CADM3: variants seen among roughly 807,000 people sequenced by gnomAD.
CADM3 encodes cell adhesion molecule 3.
In CADM3, 11 loss-of-function variants were observed where a neutral mutation model predicts 44.9. The ratio of observed to expected loss-of-function variants is 0.25; its 90% CI spans 0.15 to 0.41. CADM3 has a LOEUF of 0.41. CADM3 is among the 10% of genes least tolerant of loss of function. CADM3 has a pLI of 1.00. For synonymous variants in CADM3, 207 were observed against 205.2 expected (o/e 1.01, Z -0.08); for missense variants, 426 against 512.0 (o/e 0.83, Z 1.62).
At chr1:159,193,704 T>C in intron 4 of CADM3, 144 bp downstream of exon 4, 1 of 1,407,076 alleles carries the variant, frequency 7.1e-7, no homozygotes, top group Non-Finnish European at 9.9e-7. Context: ...AGTGCCTATG[T>C]GTGTGTTGGG....
chr1:159,202,842 C>T lies in CADM3; in HGVS notation c.*1920C>T, dbSNP rs1169828078. On this transcript the variant is annotated 3_prime_UTR_variant, in exon 9 of 9. Transcript: ENST00000368125. ...CCCTCACCTAAGCCGGGGCCTACTCCTCTTACAACAGCAAGAGAGCCCTGG... is the reference window on the plus strand; with the variant it reads ...CCCTCACCTAAGCCGGGGCCTACTCTTCTTACAACAGCAAGAGAGCCCTGG... 1 of 152,112 alleles carries T rather than the reference C, an allele frequency of 6.6e-6. No homozygotes were observed. The highest frequency in any genetic ancestry group is 1.5e-5 in the Non-Finnish European group (1 of 68,038). The allele number at this position is 152,112 out of a possible 1,614,324, so 9.4% of individuals were successfully genotyped here.
intron 7 of CADM3, 132 bp from the exon 8 acceptor site, chr1:159,199,619 G>A: frequency 1.8e-6 from 2 of 1,142,582 alleles, no homozygotes; most frequent in Non-Finnish European, 2.6e-6. Context: ...AAGGCATGAT[G>A]AATGACACTG....
In CADM3 at chr1:159,202,449, C is replaced by A. The variant is rs1004381417; in HGVS notation, c.*1527C>A. On this transcript the variant is annotated 3_prime_UTR_variant, in exon 9 of 9. Transcript: ENST00000368125. ...CAGCCTTTGCTATGCACCTCTCAGG[C>A]CTCTCCTTGGCGTTGACCCTGGAAA... 6.5e-6 allele frequency: 1 copy of A among 152,802 alleles called. No individual in the cohort carries two copies. Among genetic ancestry groups the A allele is most frequent in the Non-Finnish European group, 1.5e-5 (1 of 68,416 alleles). The allele number at this position is 152,802 out of a possible 1,614,324, so 9.5% of individuals were successfully genotyped here.
chr1:159,188,574 C>G (rs916906185), intron 1 of CADM3, among the ~76,000 whole-genome samples: 5 of 152,116 alleles, frequency 3.3e-5, no homozygotes, highest in Non-Finnish European at 7.4e-5. Context: ...CTCCAAAGCC[C>G]GGACACGTAG....
At chr1:159,181,175 A>C (rs560692306) in intron 1 of CADM3, among the ~76,000 whole-genome samples, 43 of 152,298 alleles carry the variant, frequency 2.8e-4, no homozygotes, top group African/African-American at 9.9e-4. Flanking sequence ...GTACTTTCCT[A>C]AGATGAGGAA....
In CADM3 at chr1:159,178,798, C is replaced by T. The variant is rs539143202; in HGVS notation, c.88+6945C>T. Reference sequence around the variant, plus strand: ...AGCCCGTCAGTCTTAGATTAGCCAGCCTGTTCTTCACATCGCATCAGAACT... The same window carrying T: ...AGCCCGTCAGTCTTAGATTAGCCAGTCTGTTCTTCACATCGCATCAGAACT... On this transcript the variant is annotated intron_variant, in intron 1 of 8. Transcript: ENST00000368125. Among the ~76,000 whole-genome samples the T allele has an allele frequency of 5.3e-4, 80 of 152,240 alleles. 3 individuals are homozygous for T. In the South Asian group the frequency reaches 0.016, roughly 31 times the overall value.
intron 1 of CADM3, 127 bp from the exon 2 acceptor site, chr1:159,191,809 G>C (rs867942608): frequency 7.5e-5 from 79 of 1,056,008 alleles, no homozygotes; most frequent in Non-Finnish European, 1.0e-4. Flanking sequence ...GAAACCTTAC[G>C]GGTACACAGA....
intron 1 of CADM3, among the ~76,000 whole-genome samples, chr1:159,181,089 A>G (rs910069302): frequency 6.6e-6 from 1 of 152,180 alleles, no homozygotes; most frequent in African/African-American, 2.4e-5. Flanking sequence ...GCCCATTCCC[A>G]GTCTCTATTT....
intron 7 of CADM3, 74 bp from the exon 8 acceptor site, chr1:159,199,677 T>A: frequency 1.2e-6 from 2 of 1,607,302 alleles, no homozygotes; most frequent in Non-Finnish European, 1.7e-6. Context: ...GTAAGACTAT[T>A]CATGGCCAAG....
Position 159,193,934 on chromosome 1 carries a change from A to T in CADM3, c.585A>T (p.Thr195=). ...CCTTCACTGTCAGCAGCTCGGTGACATTCCAGGTTACCCGGGAGGATGATG... is the reference window on the plus strand; with the variant it reads ...CCTTCACTGTCAGCAGCTCGGTGACTTTCCAGGTTACCCGGGAGGATGATG... ...GKTFTVSSSV[T]FQVTREDDGA... Residue 195 remains threonine, a synonymous_variant, in exon 5 of 9, where the codon ACA becomes ACT. Coordinates refer to ENST00000368125, the MANE Select transcript of CADM3 (RefSeq NM_001127173.3). The T allele has an allele frequency of 6.2e-7, 1 of 1,614,192 alleles. No homozygotes were observed.
chr1:159,174,892 A>G (rs1056909137), intron 1 of CADM3, among the ~76,000 whole-genome samples: 4 of 152,016 alleles, frequency 2.6e-5, no homozygotes, highest in Non-Finnish European at 1.5e-5. Context: ...TATTTCCAGC[A>G]CTCTGTGACT....
intron 1 of CADM3, among the ~76,000 whole-genome samples, chr1:159,176,483 C>T (rs1013599122): frequency 3.3e-5 from 5 of 152,150 alleles, no homozygotes; most frequent in African/African-American, 1.2e-4. Flanking sequence ...GATTCTGTTT[C>T]TAAGAACTTG....
intron 1 of CADM3, among the ~76,000 whole-genome samples, chr1:159,190,323 A>G (rs1025021275): frequency 4.6e-5 from 7 of 152,176 alleles, no homozygotes; most frequent in Non-Finnish European, 8.8e-5. Flanking sequence ...TCCATGGTAC[A>G]CTAATCTCAA....
At chr1:159,173,682 C>T (rs1263252033) in intron 1 of CADM3, among the ~76,000 whole-genome samples, 1 of 152,130 alleles carries the variant, frequency 6.6e-6, no homozygotes, top group Non-Finnish European at 1.5e-5. Flanking sequence ...AACTGCAGCC[C>T]CTGGCCTTCC....
intron 7 of CADM3, chr1:159,198,273 T>A: frequency 6.6e-6 from 1 of 152,206 alleles, no homozygotes; most frequent in East Asian, 1.9e-4. Context: ...CTGTAATTGA[T>A]GACCCCAGAG....
intron 4 of CADM3, 42 bp downstream of exon 4, chr1:159,193,602 T>C (rs375814917): frequency 2.0e-5 from 33 of 1,613,304 alleles, no homozygotes; most frequent in Non-Finnish European, 2.6e-5. Flanking sequence ...AAAGTGGTGC[T>C]GGAAAGAGAG....
chr1:159,186,339 A>G (rs990245391), intron 1 of CADM3, among the ~76,000 whole-genome samples: 2 of 152,294 alleles, frequency 1.3e-5, no homozygotes, highest in African/African-American at 2.4e-5. Flanking sequence ...AAGCAGGGAA[A>G]GAATATGACC....
chr1:159,181,865 T>A (rs1649239422), intron 1 of CADM3, among the ~76,000 whole-genome samples: 1 of 152,096 alleles, frequency 6.6e-6, no homozygotes, highest in African/African-American at 2.4e-5. Flanking sequence ...CTTAACTAAG[T>A]CTCTGAAGGC....
chr1:159,193,865 T>A lies in CADM3; in HGVS notation c.521-5T>A. Reference sequence around the variant, plus strand: ...TGTGTGTGTGCCACTGTTTCTGCACTCTAGGAGAACCAACCCGCATACAGG... The same window carrying A: ...TGTGTGTGTGCCACTGTTTCTGCACACTAGGAGAACCAACCCGCATACAGG... On this transcript the variant is annotated splice_polypyrimidine_tract_variant and splice_region_variant and intron_variant, in intron 4 of 8. Transcript: ENST00000368125. 2 of 1,612,794 alleles carry A rather than the reference T, an allele frequency of 1.2e-6. No individual in the cohort carries two copies. Among genetic ancestry groups the A allele is most frequent in the African/African-American group, 1.3e-5 (1 of 75,030 alleles).
Sources: gnomAD v4.1 joint callset for allele counts (sites outside exome capture counted in the v4.1 genomes callset) on GRCh38, gnomAD v4.1.1 for gene constraint, MANE v1.5 for transcripts, NCBI Gene and HGNC (gene_info 2026-07-23, HGNC 2026-07-21) for gene names.